Variants in SGO2 observed in about 807,000 individuals in gnomAD.
SGO2 encodes shugoshin 2.
In SGO2, 68 loss-of-function variants were observed where a neutral mutation model predicts 99.5. The observed-to-expected ratio is 0.68, with a 90% CI of 0.56 to 0.84. The LOEUF is 0.84. Ranked by LOEUF, SGO2 falls within the 40% of genes least tolerant of loss-of-function variation. SGO2 has a pLI of 0.00. For missense variants in SGO2, 1,350 were observed against 1,436.7 expected, an observed-to-expected ratio of 0.94 and a Z score of 0.97; for synonymous variants, 457 against 487.1, an observed-to-expected ratio of 0.94 and a Z score of 0.81.
At chr2:200,555,849 A>G (rs1044593216) in intron 5 of SGO2, among the ~76,000 whole-genome samples, 1 of 152,240 alleles carries the variant, frequency 6.6e-6, no homozygotes, top group Admixed American at 6.5e-5. Flanking sequence ...AGATCTATCA[A>G]CTTTCAATTC....
chr2:200,537,695 A>G (rs949299858), intron 4 of SGO2, among the ~76,000 whole-genome samples: 1 of 152,000 alleles, frequency 6.6e-6, no homozygotes. Context: ...AAATAATTTT[A>G]TTCTATCTTA....
intron 5 of SGO2, among the ~76,000 whole-genome samples, chr2:200,545,551 C>T (rs1188588651): frequency 6.6e-6 from 1 of 151,746 alleles, no homozygotes; most frequent in African/African-American, 2.4e-5. Flanking sequence ...CAAAACAAAA[C>T]AAAACAAAAT....
At chr2:200,531,187 A>G (rs1040830989) in intron 1 of SGO2, among the ~76,000 whole-genome samples, 3 of 152,194 alleles carry the variant, frequency 2.0e-5, no homozygotes, top group Admixed American at 6.5e-5. Flanking sequence ...CAGGAGAGAA[A>G]ACAGATACAC....
chr2:200,579,550 TTGAG>T (rs147365771), intron 8 of SGO2, among the ~76,000 whole-genome samples: 1 of 152,292 alleles, frequency 6.6e-6, no homozygotes, highest in East Asian at 1.9e-4. Context: ...TTGATGCCTA[TTGAG>T]TGTTTTTATC....
chr2:200,575,531 G>A (rs2033626719), intron 8 of SGO2, 70 bp downstream of exon 8: 1 of 1,119,964 alleles, frequency 8.9e-7, no homozygotes, highest in Admixed American at 2.2e-5. Context: ...GCCTGAATTA[G>A]TATTTGAGCA....
chr2:200,545,363 T>G (rs1414810317), intron 5 of SGO2, among the ~76,000 whole-genome samples: 1 of 152,186 alleles, frequency 6.6e-6, no homozygotes, highest in African/African-American at 2.4e-5. Flanking sequence ...GAATGGTGTC[T>G]TTAGATGACC....
chr2:200,531,884 C>T (rs1273398374), intron 1 of SGO2: 1 of 152,794 alleles, frequency 6.5e-6, no homozygotes, highest in Non-Finnish European at 1.5e-5. Context: ...TGCATCACTC[C>T]TGTCTCTGCT....
intron 5 of SGO2, among the ~76,000 whole-genome samples, chr2:200,546,944 A>G (rs73044140): frequency 0.027 from 4,149 of 152,336 alleles, 193 homozygotes; most frequent in African/African-American, 0.095. Flanking sequence ...AGCAAGGCAT[A>G]GGAAGCTTAT....
intron 8 of SGO2, among the ~76,000 whole-genome samples, chr2:200,577,202 T>C (rs2033697328): frequency 6.6e-6 from 1 of 152,226 alleles, no homozygotes; most frequent in African/African-American, 2.4e-5. Flanking sequence ...CTTGTTTTTC[T>C]ATGACTGATT....
In SGO2 at chr2:200,583,493, A is replaced by C; in HGVS notation, c.*29A>C. ...GAATTTATGGATTCTGGTTTTTCTG[A>C]ATTTTCAAAGCATAAGGAATCAAAA... On this transcript the variant is annotated 3_prime_UTR_variant, in exon 9 of 9. Coordinates refer to ENST00000357799, the MANE Select transcript of SGO2 (RefSeq NM_152524.6). 6.3e-7 allele frequency: 1 copy of C among 1,582,002 alleles called. No homozygotes were observed. Among genetic ancestry groups the C allele is most frequent in the Non-Finnish European group, 8.6e-7 (1 of 1,164,870 alleles).
At position 200,571,049 on chromosome 2, in the gene SGO2, G is replaced by T; in HGVS notation, c.704-1G>T. On this transcript the variant is annotated splice_acceptor_variant, in intron 6 of 8. Coordinates refer to ENST00000357799, the MANE Select transcript of SGO2 (RefSeq NM_152524.6). LOFTEE classifies it high-confidence loss of function. ...GAGTTTTGTTTTCCTTTTCTTAATA[G>T]AAAGCCATTCCCACTCAGACCAAAG... 1 of 1,539,638 alleles carries T rather than the reference G, an allele frequency of 6.5e-7. No homozygotes were observed. Among genetic ancestry groups the T allele is most frequent in the Non-Finnish European group, 8.7e-7 (1 of 1,145,610 alleles).
chr2:200,554,268 TCAA>T (rs536879581), intron 5 of SGO2, among the ~76,000 whole-genome samples: 6 of 152,234 alleles, frequency 3.9e-5, no homozygotes, highest in Middle Eastern at 3.4e-3. Flanking sequence ...CTAAAGATCA[TCAA>T]CGTTTCAAGC....
Position 200,570,305 on chromosome 2 carries a change from G to T in SGO2, c.703+413G>T, listed in dbSNP as rs1326763538. Among the ~76,000 whole-genome samples, 1 of 151,878 alleles carries T rather than the reference G, an allele frequency of 6.6e-6. No homozygotes were observed. Among genetic ancestry groups the T allele is most frequent in the Admixed American group, 6.6e-5 (1 of 15,236 alleles). On this transcript the variant is annotated intron_variant, in intron 6 of 8. Coordinates refer to ENST00000357799, the MANE Select transcript of SGO2 (RefSeq NM_152524.6). This position sits in a 1 kb window ranked among gnomAD's most constrained non-coding sequence, Gnocchi z 4.4. ...TGGTAAAGCAAAAACTTGAGTCTGG[G>T]TAATGGTTGAGCAAGAAAAAAGATG...
chr2:200,545,854 A>G (rs1261813229), intron 5 of SGO2, among the ~76,000 whole-genome samples: 1 of 152,214 alleles, frequency 6.6e-6, no homozygotes, highest in African/African-American at 2.4e-5. Flanking sequence ...GGGTAGCATT[A>G]TGACTGCCTG....
Position 200,572,578 on chromosome 2 carries a change from CTT to C in SGO2, c.2236_2237del (p.Leu746AsnfsTer5), listed in dbSNP as rs760219758. 3.1e-6 allele frequency: 5 copies of C among 1,612,264 alleles called. No homozygotes were observed. The highest frequency in any genetic ancestry group is 1.3e-5 in the African/African-American group (1 of 74,836). On this transcript the variant is annotated frameshift_variant, in exon 7 of 9. Coordinates refer to ENST00000357799, the MANE Select transcript of SGO2 (RefSeq NM_152524.6). LOFTEE classifies it high-confidence loss of function. ...IEYTVKSHSL[F>X]LTQKDKEIIP... The stretch of plus-strand genomic sequence containing the variant: ...AATACACAGTTAAAAGTCACTCACT[CTT>C]TTTAACGCAAAAAGATAAGGAAATC...
intron 5 of SGO2, 80 bp from the exon 6 acceptor site, chr2:200,569,583 A>G (rs1056940509): frequency 3.0e-5 from 31 of 1,024,212 alleles, no homozygotes; most frequent in Non-Finnish European, 4.4e-5. Context: ...TCTTAAATAG[A>G]ATATAGAAAT....
intron 5 of SGO2, among the ~76,000 whole-genome samples, chr2:200,550,964 A>G (rs1335025758): frequency 6.6e-6 from 1 of 150,926 alleles, no homozygotes; most frequent in East Asian, 1.9e-4. Flanking sequence ...TAACCAGCAT[A>G]TATTGGGAGC....
intron 5 of SGO2, among the ~76,000 whole-genome samples, chr2:200,558,416 G>T (rs1233423276): frequency 6.6e-6 from 1 of 151,812 alleles, no homozygotes; most frequent in East Asian, 1.9e-4. Flanking sequence ...TTCTATTAAT[G>T]TTATGAATTT....
At chr2:200,568,900 C>A (rs2033291027) in intron 5 of SGO2, among the ~76,000 whole-genome samples, 1 of 142,852 alleles carries the variant, frequency 7.0e-6, no homozygotes. Flanking sequence ...AGAAGCAGAA[C>A]CTCTCCGTTT....
Sources: allele counts gnomAD v4.1 joint callset (sites outside exome capture counted in the v4.1 genomes callset), GRCh38; gene constraint gnomAD v4.1.1; non-coding constraint Gnocchi (gnomAD v3.1); transcripts MANE v1.5; gene names NCBI Gene and HGNC (gene_info 2026-07-23, HGNC 2026-07-21).